MCF2L: variants seen among roughly 807,000 people sequenced by gnomAD.
MCF2L encodes the protein MCF.2 cell line derived transforming sequence like.
Under a neutral mutation model 153.4 loss-of-function variants are expected in MCF2L, and 97 were observed. That is an observed-to-expected ratio of 0.63 (90% CI 0.54 to 0.75). The LOEUF (loss-of-function observed/expected upper bound fraction) is 0.75. MCF2L is among the 30% of genes least tolerant of loss of function. The pLI is 0.00. For synonymous variants in MCF2L, 659 were observed against 632.2 expected, an observed-to-expected ratio of 1.04 and a Z score of -0.64; for missense variants, 1,347 against 1,495.2, an observed-to-expected ratio of 0.90 and a Z score of 1.64.
At chr13:112,976,174 GTA>G (rs1470166220) in intron 1 of MCF2L, among the ~76,000 whole-genome samples, 3 of 144,356 alleles carry the variant, frequency 2.1e-5, no homozygotes, top group East Asian at 2.0e-4. Context: ...TTGTGTGTGT[GTA>G]TGTGTGTGTG....
At position 113,045,273 on chromosome 13, in the gene MCF2L, T is replaced by C; in HGVS notation, c.281T>C (p.Leu94Pro). The C allele has an allele frequency of 6.2e-7, 1 of 1,612,770 alleles. No individual in the cohort carries two copies. The change falls in exon 4 of 30, where the codon CTG (leucine) becomes CCG (proline). Residue 94 changes from leucine (L) to proline (P), a missense_variant and splice_region_variant. Coordinates refer to ENST00000535094, the MANE Select transcript of MCF2L (RefSeq NM_001112732.3). The surrounding 1 kb of genome is among the most constrained non-coding windows in gnomAD (Gnocchi z 4.2). ...GCGGCGTCTCTTCCTCACTGCAGCC[T>C]GCAGGACGCTGGCATCGGATTCATC... ...VMTYLTSIPSLQDAGIGFILV... is the reference protein window; with the variant it reads ...VMTYLTSIPSPQDAGIGFILV...
intron 1 of MCF2L, among the ~76,000 whole-genome samples, chr13:112,974,719 A>G (rs899998462): frequency 1.3e-5 from 2 of 152,214 alleles, no homozygotes; most frequent in Non-Finnish European, 2.9e-5. Context: ...TCGCCATAAT[A>G]AAAAACAAGG....
chr13:113,001,605 A>G (rs1346204217), intron 1 of MCF2L: 2 of 1,059,320 alleles, frequency 1.9e-6, no homozygotes, highest in Non-Finnish European at 1.2e-6. Flanking sequence ...GGTCTAGACA[A>G]GCAACACCAG....
At chr13:113,008,257 A>C (rs2317137) in intron 1 of MCF2L, among the ~76,000 whole-genome samples, 33,249 of 152,172 alleles carry the variant, frequency 0.22, 3,945 homozygotes, top group East Asian at 0.3. Flanking sequence ...GAATTTATTT[A>C]GGCTTGACTG....
chr13:113,020,696 G>A (rs2084817522), intron 2 of MCF2L, among the ~76,000 whole-genome samples: 1 of 152,196 alleles, frequency 6.6e-6, no homozygotes, highest in Non-Finnish European at 1.5e-5. Context: ...CCACCTCCCA[G>A]CACTGTCCCC....
intron 1 of MCF2L, among the ~76,000 whole-genome samples, chr13:112,992,704 A>G (rs2082940626): frequency 6.6e-6 from 1 of 152,200 alleles, no homozygotes; most frequent in Admixed American, 6.5e-5. Flanking sequence ...AGCTGGGGAA[A>G]GGTGGAACTT....
chr13:112,937,984 G>GA (rs1347812706), intron 2 of MCF2L, among the ~76,000 whole-genome samples: 176 of 9,170 alleles, frequency 0.019, no homozygotes, highest in Middle Eastern at 0.05. Context: ...TGGTTCAGGT[G>GA]AGCGCTAATT....
intron 17 of MCF2L, among the ~76,000 whole-genome samples, chr13:113,083,541 C>A (rs2034350474): frequency 6.6e-6 from 1 of 152,238 alleles, no homozygotes; most frequent in South Asian, 2.1e-4. Flanking sequence ...GTTTTCCCCT[C>A]CAGCCGGACT....
intron 1 of MCF2L, chr13:113,001,890 T>A: frequency 6.3e-7 from 1 of 1,582,932 alleles, no homozygotes; most frequent in Non-Finnish European, 8.5e-7. Flanking sequence ...GGTCGGGGGC[T>A]CCTGACTCGC....
intron 2 of MCF2L, among the ~76,000 whole-genome samples, chr13:112,945,663 T>C (rs1160795586): frequency 6.6e-6 from 1 of 152,218 alleles, no homozygotes; most frequent in African/African-American, 2.4e-5. Flanking sequence ...GCCTGGATGC[T>C]CACATGGCCT....
chr13:113,058,765 T>G (rs2030797830), intron 4 of MCF2L, among the ~76,000 whole-genome samples: 1 of 147,706 alleles, frequency 6.8e-6, no homozygotes, highest in Non-Finnish European at 1.5e-5. Context: ...GTTTGGGGGC[T>G]GAGTATTTGG....
intron 1 of MCF2L, among the ~76,000 whole-genome samples, chr13:112,996,822 C>T (rs1392969710): frequency 1.3e-5 from 2 of 152,332 alleles, no homozygotes; most frequent in Non-Finnish European, 1.5e-5. Flanking sequence ...GGCACCTGGA[C>T]GGGGGCTGTG....
chr13:113,065,095 G>T lies in MCF2L; in HGVS notation c.756+10G>T. On this transcript the variant is annotated intron_variant, in intron 7 of 29. Coordinates refer to ENST00000535094, the MANE Select transcript of MCF2L (RefSeq NM_001112732.3). ...GAAGGACAAGGCGAAGGTACATGGG[G>T]GGTGCTCCGGCTGGAAGCTGTGGGG... 1.2e-6 allele frequency: 2 copies of T among 1,609,614 alleles called. No individual in the cohort carries two copies. Among genetic ancestry groups the T allele is most frequent in the Non-Finnish European group, 1.7e-6 (2 of 1,178,636 alleles).
rs1470151621 is a variant in MCF2L at position 112,951,016 on chromosome 13, A to G, written c.169+48645A>G. Among the ~76,000 whole-genome samples the G allele has an allele frequency of 1.3e-5, 2 of 152,238 alleles. No homozygotes were observed. The highest frequency in any genetic ancestry group is 2.9e-5 in the Non-Finnish European group (2 of 68,048). On this transcript the variant is annotated intron_variant, in intron 2 of 29. Coordinates refer to the MCF2L transcript ENST00000375608. This position sits in a 1 kb window ranked among gnomAD's most constrained non-coding sequence, Gnocchi z 4.8. ...GGATTAAGAAATCTCAAATCTCACC[A>G]GTACAAAAACAAACAATTCGCTTAG...
rs940046531 is a variant in MCF2L at position 113,054,266 on chromosome 13, T to A, written c.370-6327T>A. The A allele has an allele frequency of 3.6e-5, 6 of 167,746 alleles. No individual in the cohort carries two copies. The highest frequency in any genetic ancestry group is 1.4e-4 in the African/African-American group (6 of 41,424). 10.4% of individuals were successfully genotyped at this position (167,746 alleles called of 1,614,324 possible). ...ATTCGGGAGTGGGAGTGCGATTGGA[T>A]GTGTGTCTGCAGATTCTCCCTGTAT... On this transcript the variant is annotated intron_variant, in intron 4 of 29. Coordinates refer to ENST00000535094, the MANE Select transcript of MCF2L (RefSeq NM_001112732.3). The surrounding 1 kb of genome is among the most constrained non-coding windows in gnomAD (Gnocchi z 5.2).
At chr13:113,082,581 C>T (rs756173757) in intron 17 of MCF2L, 39 bp downstream of exon 17, 1 of 1,401,798 alleles carries the variant, frequency 7.1e-7, no homozygotes, top group Non-Finnish European at 1.0e-6. Context: ...CACCCGTGAT[C>T]TCTTGCAGCT....
chr13:113,060,842 T>C (rs915575555), intron 5 of MCF2L, 130 bp downstream of exon 5: 59 of 1,270,562 alleles, frequency 4.6e-5, no homozygotes, highest in Non-Finnish European at 6.3e-5. Flanking sequence ...CCGCAGGACC[T>C]GGCGGGAAGT....
chr13:113,082,453 A>G lies in MCF2L; in HGVS notation c.1902A>G (p.Pro634=), dbSNP rs572172660. The change falls in exon 17 of 30, where the codon CCA becomes CCG. Residue 634 remains proline, a synonymous_variant. Coordinates refer to ENST00000535094, the MANE Select transcript of MCF2L (RefSeq NM_001112732.3). ...LEGYAAEMDN[P]LMAHLLSTGL... ...GCTACGCCGCGGAGATGGATAACCC[A>G]CTGATGGCTCACCTCCTGTCAACAG... 4.5e-4 allele frequency: 725 copies of G among 1,613,846 alleles called. 16 individuals carry two copies. In the South Asian group the frequency reaches 7.0e-3, roughly 16 times the overall value.
chr13:113,012,285 A>G (rs1157664182), intron 1 of MCF2L, among the ~76,000 whole-genome samples: 197 of 67,332 alleles, frequency 2.9e-3, no homozygotes, highest in Admixed American at 2.7e-3. Flanking sequence ...CAGGTGGTGT[A>G]GACAGTGGAC....
Sources: allele counts gnomAD v4.1 joint callset (sites outside exome capture counted in the v4.1 genomes callset), GRCh38; gene constraint gnomAD v4.1.1; non-coding constraint Gnocchi (gnomAD v3.1); transcripts MANE v1.5; gene names NCBI Gene and HGNC (gene_info 2026-07-23, HGNC 2026-07-21).